LMBRD1: variants seen among roughly 807,000 people sequenced by gnomAD.
LMBRD1 encodes LMBR1 domain containing 1, also known as lysosomal cobalamin transport escort protein LMBD1.
Under a neutral mutation model 74.8 loss-of-function variants are expected in LMBRD1, and 64 were observed. That is an observed-to-expected ratio of 0.86 (90% CI 0.70 to 1.05). The LOEUF is 1.05. Ranked by LOEUF, LMBRD1 falls within the 50% of genes least tolerant of loss-of-function variation. The pLI is 0.00. For missense variants in LMBRD1, 652 were observed against 645.9 expected (o/e 1.01, Z -0.10); for synonymous variants, 204 against 216.3 (o/e 0.94, Z 0.50).
chr6:69,719,637 T>C (rs894156542), intron 7 of LMBRD1, among the ~76,000 whole-genome samples: 4 of 152,192 alleles, frequency 2.6e-5, no homozygotes, highest in African/African-American at 9.6e-5. Flanking sequence ...AATAAACATG[T>C]TATTATATAT....
intron 3 of LMBRD1, among the ~76,000 whole-genome samples, chr6:69,779,135 G>A (rs563183878): frequency 2.0e-5 from 3 of 146,748 alleles, no homozygotes; most frequent in East Asian, 2.0e-4. Flanking sequence ...GCAGTGAGCC[G>A]AGACTGTGCC....
intron 9 of LMBRD1, chr6:69,705,306 T>G (rs1766228229): frequency 1.3e-6 from 1 of 748,754 alleles, no homozygotes; most frequent in East Asian, 2.5e-5. Context: ...CTTCCTCAAC[T>G]GCCAGAGATC....
chr6:69,721,902 G>A (rs1368785528), intron 7 of LMBRD1, among the ~76,000 whole-genome samples: 3 of 152,128 alleles, frequency 2.0e-5, no homozygotes, highest in African/African-American at 7.2e-5. Context: ...GGCTTTAAGT[G>A]AACATTAGCA....
intron 1 of LMBRD1, among the ~76,000 whole-genome samples, chr6:69,794,235 C>A (rs1766160789): frequency 6.6e-6 from 1 of 152,208 alleles, no homozygotes; most frequent in African/African-American, 2.4e-5. Context: ...TAGCGTGAAT[C>A]AAGACAGTGG....
At chr6:69,757,262 G>T (rs1286282503) in intron 3 of LMBRD1, among the ~76,000 whole-genome samples, 1 of 151,738 alleles carries the variant, frequency 6.6e-6, no homozygotes, top group Non-Finnish European at 1.5e-5. Flanking sequence ...ACTAATCTGA[G>T]AAGTCAAAAA....
In LMBRD1 at chr6:69,724,106, T is replaced by C. The variant is rs575084589; in HGVS notation, c.637-5025A>G. Among the ~76,000 whole-genome samples, 7 of 151,836 alleles carry C rather than the reference T, an allele frequency of 4.6e-5. No individual in the cohort carries two copies. The South Asian group carries it at 1.5e-3, about 32-fold the overall frequency. ...CATACAACCTACCAAACTTGAACCATGAAGAAATCCAAATCCTGAACAGAC... is the reference window on the plus strand; with the variant it reads ...CATACAACCTACCAAACTTGAACCACGAAGAAATCCAAATCCTGAACAGAC... On this transcript the variant is annotated intron_variant, in intron 7 of 15. Coordinates refer to ENST00000649934, the MANE Select transcript of LMBRD1 (RefSeq NM_018368.4).
chr6:69,737,351 A>C (rs16868113), intron 7 of LMBRD1, among the ~76,000 whole-genome samples: 12,737 of 152,098 alleles, frequency 0.084, 672 homozygotes, highest in Admixed American at 0.15. Context: ...CAACTTGGTC[A>C]GTCATTTATA....
intron 3 of LMBRD1, among the ~76,000 whole-genome samples, chr6:69,779,011 C>T (rs1484769350): frequency 2.6e-5 from 4 of 151,930 alleles, no homozygotes; most frequent in Non-Finnish European, 5.9e-5. Context: ...CATGGTGAAA[C>T]CCTGTCTCTG....
chr6:69,701,484 G>C lies in LMBRD1; in HGVS notation c.1042C>G (p.Leu348Val). 1 of 1,608,164 alleles carries C rather than the reference G, an allele frequency of 6.2e-7. No homozygotes were observed. Among genetic ancestry groups the C allele is most frequent in the East Asian group, 2.2e-5 (1 of 44,618 alleles). ...DSGFIIFGAN[L>V]SNPLNMLLPL... is the part of the protein sequence containing the mutation. ...AAAAGCATATTCAGTGGATTACTCA[G>C]GTTAGCTCCAAAAATTATGAAACCA... Residue 348 changes from leucine to valine, a missense_variant, in exon 11 of 16, where the codon CTG becomes GTG. Transcript: ENST00000649934.
intron 2 of LMBRD1, among the ~76,000 whole-genome samples, chr6:69,781,501 A>C (rs1017878793): frequency 6.6e-6 from 1 of 152,214 alleles, no homozygotes; most frequent in Non-Finnish European, 1.5e-5. Context: ...TCTTAAGATA[A>C]TTAAGGATTT....
intron 5 of LMBRD1, among the ~76,000 whole-genome samples, chr6:69,747,774 T>C (rs1765025167): frequency 6.6e-6 from 1 of 152,252 alleles, no homozygotes; most frequent in African/African-American, 2.4e-5. Flanking sequence ...TTCAAAAACG[T>C]ATGAGCTACA....
chr6:69,675,655 A>G lies in LMBRD1; in HGVS notation c.*503T>C, dbSNP rs527641770. On this transcript the variant is annotated 3_prime_UTR_variant, in exon 16 of 16. Coordinates refer to ENST00000649934, the MANE Select transcript of LMBRD1 (RefSeq NM_018368.4). ...AACTAGAGTTTGAAATCTTTTCATG[A>G]AATCTACTTGAGTGGTGCTAAAGAT... 1 of 167,930 alleles carries G rather than the reference A, an allele frequency of 6.0e-6. No homozygotes were observed. The highest frequency in any genetic ancestry group is 1.6e-4 in the East Asian group (1 of 6,068). 10.4% of individuals were successfully genotyped at this position (167,930 alleles called of 1,614,324 possible).
chr6:69,713,946 T>C, intron 8 of LMBRD1, 149 bp from the exon 9 acceptor site: 1 of 764,372 alleles, frequency 1.3e-6, no homozygotes, highest in Non-Finnish European at 2.2e-6. Flanking sequence ...AACTGCAATA[T>C]GACAATAAAC....
At chr6:69,763,684 T>C (rs1014983602) in intron 3 of LMBRD1, among the ~76,000 whole-genome samples, 3 of 152,196 alleles carry the variant, frequency 2.0e-5, no homozygotes, top group African/African-American at 7.2e-5. Flanking sequence ...CTCCTACCCA[T>C]CAGAGCCTTG....
chr6:69,703,252 A>T (rs954146894), intron 9 of LMBRD1, among the ~76,000 whole-genome samples: 1 of 152,002 alleles, frequency 6.6e-6, no homozygotes, highest in Non-Finnish European at 1.5e-5. Context: ...GGATTCAGGC[A>T]TCTATATTTG....
intron 14 of LMBRD1, among the ~76,000 whole-genome samples, chr6:69,679,681 C>T (rs958663245): frequency 6.6e-6 from 1 of 151,996 alleles, no homozygotes; most frequent in South Asian, 2.1e-4. Context: ...GCATGGTGAA[C>T]GAAGAGCCCA....
intron 7 of LMBRD1, among the ~76,000 whole-genome samples, chr6:69,720,804 T>A (rs1443369178): frequency 2.0e-5 from 3 of 152,142 alleles, no homozygotes; most frequent in South Asian, 4.1e-4. Context: ...TGGTTTTAAC[T>A]TCATATTACT....
At chr6:69,688,308 G>A (rs1204461570) in intron 14 of LMBRD1, among the ~76,000 whole-genome samples, 1 of 151,638 alleles carries the variant, frequency 6.6e-6, no homozygotes, top group Admixed American at 6.6e-5. Context: ...AATAACATCA[G>A]TTTTAAACAA....
At chr6:69,680,391 G>A (rs4706272) in intron 14 of LMBRD1, among the ~76,000 whole-genome samples, 55,004 of 151,888 alleles carry the variant, frequency 0.36, 10,548 homozygotes, top group East Asian at 0.54. Flanking sequence ...GACAAAATTA[G>A]AAATTTCAGG....
Sources: gnomAD v4.1 joint callset for allele counts (sites outside exome capture counted in the v4.1 genomes callset) on GRCh38, gnomAD v4.1.1 for gene constraint, MANE v1.5 for transcripts, NCBI Gene and HGNC (gene_info 2026-07-23, HGNC 2026-07-21) for gene names.